HDGFL3: variants seen among roughly 807,000 people sequenced by gnomAD.
HDGFL3 encodes the protein hepatoma-derived growth factor-related protein 3.
HDGFL3 carries 6 observed loss-of-function variants against 27.6 expected under a neutral mutation model. The ratio of observed to expected loss-of-function variants is 0.22; its 90% confidence interval spans 0.12 to 0.43. The LOEUF (loss-of-function observed/expected upper bound fraction) is 0.43. Among genes scored for constraint, HDGFL3 ranks in the 20% least tolerant of loss-of-function variants. The probability of loss-of-function intolerance (pLI) is 1.00; values close to 1 mark genes in which losing one functional copy is unlikely to be tolerated. For synonymous variants in HDGFL3, 88 were observed against 88.9 expected (o/e 0.99, Z 0.05); for missense variants, 207 against 250.1 (o/e 0.83, Z 1.16).
rs1050775090 is a variant in HDGFL3 at position 83,157,275 on chromosome 15, G to A, written c.459+140C>T. On this transcript the variant is annotated intron_variant, in intron 4 of 5. Transcript: ENST00000299633. ...ATCTAAGGTTACCTGACTTCCCTCT[G>A]CTGTATTTTGTCCCTAAAGGCAGAG... is the stretch of plus-strand genomic sequence containing the variant. The A allele has an allele frequency of 6.2e-6, 5 of 804,362 alleles. No homozygotes were observed. In the African/African-American group the frequency reaches 8.6e-5, roughly 14 times the overall value. 49.8% of individuals were successfully genotyped at this position (804,362 alleles called of 1,614,324 possible). A position where few individuals can be genotyped will look rare whatever the true frequency, so the allele number is the denominator to read the frequency against.
intron 5 of HDGFL3, among the ~76,000 whole-genome samples, chr15:83,143,992 TACAAATTTTAAGTCCCA>T (rs1194824242): frequency 1.3e-5 from 2 of 152,160 alleles, no homozygotes; most frequent in African/African-American, 4.8e-5. Context: ...TTGGAATAAT[TACAAATTTTAAGTCCCA>T]ACTTACCGAT....
rs187403494 is a variant in HDGFL3, at chr15:83,193,987, C to T, written c.84+13344G>A. 2.0e-3 allele frequency among the ~76,000 whole-genome samples: 305 copies of T among 152,208 alleles called. 1 individual carries two copies. The highest frequency in any genetic ancestry group is 7.0e-3 in the African/African-American group (292 of 41,526). On this transcript the variant is annotated intron_variant, in intron 1 of 5. Transcript: ENST00000299633. ...CCCATGAATTCTTTCCTGGGCAAAG[C>T]CAAGAACCCTCCCAAGCTAAGCCCC...
intron 5 of HDGFL3, among the ~76,000 whole-genome samples, chr15:83,146,325 C>T (rs1365298177): frequency 1.3e-5 from 2 of 152,100 alleles, no homozygotes; most frequent in Admixed American, 6.5e-5. Context: ...CACACAGGGC[C>T]ATGGGTACTA....
At chr15:83,183,107 A>G (rs1251559218) in intron 1 of HDGFL3, among the ~76,000 whole-genome samples, 1 of 152,214 alleles carries the variant, frequency 6.6e-6, no homozygotes, top group Non-Finnish European at 1.5e-5. Flanking sequence ...GTCAACAGAT[A>G]TTATCTAGTC....
intron 2 of HDGFL3, among the ~76,000 whole-genome samples, chr15:83,160,809 T>C (rs929026603): frequency 6.6e-6 from 1 of 152,186 alleles, no homozygotes; most frequent in Non-Finnish European, 1.5e-5. Context: ...TCCCTCGCAT[T>C]GTGCAGCTGA....
At chr15:83,169,414 C>CAAA (rs58159581) in intron 1 of HDGFL3, among the ~76,000 whole-genome samples, 833 of 35,670 alleles carry the variant, frequency 0.023, 21 homozygotes, top group Non-Finnish European at 0.03. Flanking sequence ...GACTCCGTCT[C>CAAA]AAAAAAAAAA....
chr15:83,122,107 G>A, intron 3 of HDGFL3: 1 of 948,304 alleles, frequency 1.1e-6, no homozygotes, highest in Non-Finnish European at 1.6e-6. Context: ...GTGATTCCAA[G>A]CTTACTAAAA....
At chr15:83,152,036 C>T (rs1454160854) in intron 4 of HDGFL3, among the ~76,000 whole-genome samples, 1 of 152,174 alleles carries the variant, frequency 6.6e-6, no homozygotes, top group Non-Finnish European at 1.5e-5. Flanking sequence ...TGCTTGGCAG[C>T]ATTGCATTAA....
chr15:83,154,161 AAAAAAAGCAAAAAT>A (rs1190386638), intron 4 of HDGFL3, among the ~76,000 whole-genome samples: 1 of 151,674 alleles, frequency 6.6e-6, no homozygotes, highest in Non-Finnish European at 1.5e-5. Flanking sequence ...CTGGAAAAAA[AAAAAAAGCAAAAAT>A]AAAAAAGCAA....
chr15:83,124,656 A>C (rs1024227837), downstream of HDGFL3: 2 of 1,608,514 alleles, frequency 1.2e-6, no homozygotes, highest in African/African-American at 2.7e-5. Context: ...CTCTTTAGGT[A>C]CAAACTCTAT....
intron 1 of HDGFL3, among the ~76,000 whole-genome samples, chr15:83,200,176 T>A (rs1298303546): frequency 6.7e-6 from 1 of 150,220 alleles, no homozygotes; most frequent in East Asian, 2.0e-4. Context: ...ACCCCATCTC[T>A]ACTAAAAAAA....
At chr15:83,146,275 A>C (rs1450197123) in intron 5 of HDGFL3, among the ~76,000 whole-genome samples, 1 of 152,118 alleles carries the variant, frequency 6.6e-6, no homozygotes, top group Non-Finnish European at 1.5e-5. Flanking sequence ...TAGGCATTTT[A>C]GGTTATTATT....
rs1473283567 is a variant in HDGFL3 at position 83,129,016 on chromosome 15, A to G, written c.*10254T>C. 6.6e-6 allele frequency: 1 copy of G among 152,134 alleles called. No individual in the cohort carries two copies. The highest frequency in any genetic ancestry group is 1.5e-5 in the Non-Finnish European group (1 of 68,038). 9.4% of individuals were successfully genotyped at this position (152,134 alleles called of 1,614,324 possible). ...CAGCTAATTTTTAAATTTTTTAAAG[A>G]GATGGGATCTTATTTTGTTGCCCAG... On this transcript the variant is annotated 3_prime_UTR_variant, in exon 6 of 6. Transcript: ENST00000299633.
downstream of HDGFL3, chr15:83,124,667 T>C: frequency 6.2e-7 from 1 of 1,612,902 alleles, no homozygotes; most frequent in African/African-American, 1.3e-5. Flanking sequence ...CAAACTCTAT[T>C]TTAGGTTATT....
chr15:83,176,194 T>A (rs1008239105), intron 1 of HDGFL3, among the ~76,000 whole-genome samples: 2 of 152,224 alleles, frequency 1.3e-5, no homozygotes, highest in Admixed American at 1.3e-4. Flanking sequence ...TAAGCCTCAA[T>A]GTGTGACTGT....
At chr15:83,166,368 C>A (rs1300449591) in intron 1 of HDGFL3, among the ~76,000 whole-genome samples, 28 of 152,034 alleles carry the variant, frequency 1.8e-4, no homozygotes, top group Admixed American at 3.3e-4. Flanking sequence ...ATTTCATGAG[C>A]AGAAATAAAG....
intron 2 of HDGFL3, among the ~76,000 whole-genome samples, chr15:83,162,191 G>A (rs879848637): frequency 3.9e-5 from 6 of 152,160 alleles, no homozygotes; most frequent in Admixed American, 3.3e-4. Context: ...TGTGTAAGTA[G>A]AGTAAGAAAC....
intron 1 of HDGFL3, among the ~76,000 whole-genome samples, chr15:83,180,390 C>T (rs553179681): frequency 2.0e-5 from 3 of 151,726 alleles, no homozygotes; most frequent in East Asian, 3.9e-4. Context: ...TGACAAAAAA[C>T]GTAGAGAAAA....
chr15:83,147,204 AG>A (rs1319207641), intron 5 of HDGFL3, among the ~76,000 whole-genome samples: 1 of 152,074 alleles, frequency 6.6e-6, no homozygotes, highest in African/African-American at 2.4e-5. Flanking sequence ...TTGGGACTAC[AG>A]GCACGCACCA....
Sources: gnomAD v4.1 joint callset for allele counts (sites outside exome capture counted in the v4.1 genomes callset) on GRCh38, gnomAD v4.1.1 for gene constraint, MANE v1.5 for transcripts, NCBI Gene and HGNC (gene_info 2026-07-23, HGNC 2026-07-21) for gene names.